The following COQ7 variants were observed in gnomAD, a reference collection of about 807,000 sequenced individuals.
COQ7 encodes NADPH-dependent 3-demethoxyubiquinone 3-hydroxylase, mitochondrial.
A neutral mutation model predicts 25.0 loss-of-function variants in COQ7; 21 were observed. The observed-to-expected ratio is 0.84, with a 90% CI of 0.60 to 1.21. The LOEUF (loss-of-function observed/expected upper bound fraction) is 1.21. Ranked by LOEUF, COQ7 falls within the 50% of genes most tolerant of loss-of-function variation. The probability of loss-of-function intolerance (pLI) is 0.00; values close to 1 mark genes in which losing one functional copy is unlikely to be tolerated. For missense variants in COQ7, 311 were observed against 296.2 expected (o/e 1.05, Z -0.37); for synonymous variants, 125 against 112.4 (o/e 1.11, Z -0.71).
In COQ7 at chr16:19,067,888, C is replaced by A. The variant is rs956770826; in HGVS notation, c.73+151C>A. ...GACTGCGTGACTTCGGCCTCCGGGG[C>A]GCTGGCGGGCGGGGCGGGGTCTGTA... On this transcript the variant is annotated intron_variant, in intron 1 of 5. Coordinates refer to ENST00000321998, the MANE Select transcript of COQ7 (RefSeq NM_016138.5). 1.0e-5 allele frequency: 15 copies of A among 1,491,328 alleles called. No homozygotes were observed. In the African/African-American group the frequency reaches 2.0e-4, roughly 20 times the overall value. 92.4% of individuals were successfully genotyped at this position (1,491,328 alleles called of 1,614,324 possible).
intron 2 of COQ7, 117 bp from the exon 3 acceptor site, chr16:19,073,804 G>A (rs1962688283): frequency 2.9e-6 from 2 of 680,528 alleles, no homozygotes; most frequent in Admixed American, 5.0e-5. Flanking sequence ...GAGGGGAATG[G>A]GGGAGACAGC....
At position 19,077,590 on chromosome 16, in the gene COQ7, C is replaced by CTTTTTTTTTTTTT. The variant is rs60523088; in HGVS notation, c.576+218_576+230dup. ...TATGCCTTCTCCTTTTCCCCAGAAG[C>CTTTTTTTTTTTTT]TTTTTTTTTTTTTTCCCAGACACAG... On this transcript the variant is annotated intron_variant, in intron 5 of 5. Transcript: ENST00000321998. Among the ~76,000 whole-genome samples, 48 of 74,398 alleles carry CTTTTTTTTTTTTT rather than the reference C, an allele frequency of 6.5e-4. 15 individuals are homozygous for CTTTTTTTTTTTTT. Among genetic ancestry groups the CTTTTTTTTTTTTT allele is most frequent in the Admixed American group, 2.0e-3 (9 of 4,546 alleles). 48.8% of individuals were successfully genotyped at this position (74,398 alleles called of 152,430 possible).
At chr16:19,071,731 G>A in intron 1 of COQ7, 197 bp from the exon 2 acceptor site, 1 of 607,312 alleles carries the variant, frequency 1.6e-6, no homozygotes, top group Admixed American at 3.0e-5. Flanking sequence ...TACACTTAAA[G>A]TGAAACCAGA....
chr16:19,073,493 GAAAC>G (rs996443793), intron 2 of COQ7, among the ~76,000 whole-genome samples: 7 of 152,054 alleles, frequency 4.6e-5, no homozygotes, highest in African/African-American at 1.2e-4. Context: ...ACCCTGTCTG[GAAAC>G]AAACAAACCA....
chr16:19,082,799 A>T (rs1272711945), downstream of COQ7, among the ~76,000 whole-genome samples: 1 of 112,328 alleles, frequency 8.9e-6, no homozygotes, highest in Non-Finnish European at 1.8e-5. Flanking sequence ...GGCAAATTTT[A>T]TGTATATTTT....
Position 19,073,965 on chromosome 16 carries a change from G to C in COQ7, c.297G>C (p.Glu99Asp), listed in dbSNP as rs1962697917. The C allele has an allele frequency of 1.2e-6, 2 of 1,613,898 alleles. No homozygotes were observed. Among genetic ancestry groups the C allele is most frequent in the South Asian group, 1.1e-5 (1 of 91,064 alleles). The change falls in exon 3 of 6, where the codon GAG (glutamate) becomes GAC (aspartate). Residue 99 changes from glutamate to aspartate, a missense_variant. Coordinates refer to ENST00000321998, the MANE Select transcript of COQ7 (RefSeq NM_016138.5). The stretch of plus-strand genomic sequence containing the variant: ...AGGACCATTTGAAAAAGTTCAATGA[G>C]TTGATGGTTACGTTCAGGGTCCGGC... Reference protein sequence around the residue: ...QEKDHLKKFNELMVTFRVRPT... With the variant: ...QEKDHLKKFNDLMVTFRVRPT...
At chr16:19,078,031 C>T (rs764441167) in intron 5 of COQ7, 50 bp from the exon 6 acceptor site, 30 of 1,465,702 alleles carry the variant, frequency 2.0e-5, no homozygotes, top group Admixed American at 8.3e-5. Flanking sequence ...ATCTTACAAC[C>T]GAAAATGAGC....
chr16:19,071,440 G>A (rs1199873773), intron 1 of COQ7, among the ~76,000 whole-genome samples: 3 of 152,236 alleles, frequency 2.0e-5, no homozygotes, highest in African/African-American at 4.8e-5. Flanking sequence ...CCGGACAGGT[G>A]TGGATTTTAA....
chr16:19,069,872 C>T (rs1962465326), intron 1 of COQ7, among the ~76,000 whole-genome samples: 1 of 152,060 alleles, frequency 6.6e-6, no homozygotes, highest in South Asian at 2.1e-4. Context: ...CAGCCTTTGC[C>T]TACTGGGTTC....
rs373106255 is a variant in COQ7 at position 19,073,993 on chromosome 16, A to G, written c.325A>G (p.Thr109Ala). Residue 109 changes from threonine (T) to alanine (A), a missense_variant, in exon 3 of 6, where the codon ACA becomes GCA. Transcript: ENST00000321998. ...ELMVTFRVRPTVLMPLWNVLG... is the reference protein window; with the variant it reads ...ELMVTFRVRPAVLMPLWNVLG... ...GATGGTTACGTTCAGGGTCCGGCCA[A>G]CAGTTCTGATGCCCTTGTGGAACGT... 3.1e-6 allele frequency: 5 copies of G among 1,613,598 alleles called. No individual in the cohort carries two copies. The highest frequency in any genetic ancestry group is 2.7e-5 in the African/African-American group (2 of 74,816).
chr16:19,069,878 G>A (rs1361941989), intron 1 of COQ7, among the ~76,000 whole-genome samples: 1 of 152,036 alleles, frequency 6.6e-6, no homozygotes, highest in East Asian at 1.9e-4. Context: ...TTGCCTACTG[G>A]GTTCAAGTGA....
intron 3 of COQ7, among the ~76,000 whole-genome samples, chr16:19,075,440 T>TTCG (rs1962782694): frequency 3.9e-5 from 1 of 25,642 alleles, no homozygotes; most frequent in Non-Finnish European, 2.8e-4. Flanking sequence ...CCTCAGGTGA[T>TTCG]CCGCCTCGGC....
intron 1 of COQ7, among the ~76,000 whole-genome samples, chr16:19,071,266 G>A (rs766333426): frequency 2.6e-5 from 4 of 152,228 alleles, no homozygotes; most frequent in Non-Finnish European, 5.9e-5. Flanking sequence ...CTCCCGAGGA[G>A]GTGGGATTAA....
chr16:19,073,093 G>A (rs1443918337), intron 2 of COQ7, among the ~76,000 whole-genome samples: 2 of 152,060 alleles, frequency 1.3e-5, no homozygotes, highest in Admixed American at 6.6e-5. Context: ...ATCACCTGAG[G>A]TTAGGAGTTT....
intron 1 of COQ7, among the ~76,000 whole-genome samples, chr16:19,069,409 C>CTTTTTTTTTT (rs67523316): frequency 8.4e-6 from 1 of 119,352 alleles, no homozygotes; most frequent in Non-Finnish European, 1.7e-5. Flanking sequence ...TGATTATTGC[C>CTTTTTTTTTT]TTTTTTTTTT....
chr16:19,072,936 C>T lies in COQ7; in HGVS notation c.252+830C>T, dbSNP rs534032842. 6.0e-4 allele frequency among the ~76,000 whole-genome samples: 91 copies of T among 152,112 alleles called. 1 individual carries two copies. Among genetic ancestry groups the T allele is most frequent in the African/African-American group, 2.1e-3 (87 of 41,482 alleles). On this transcript the variant is annotated intron_variant, in intron 2 of 5. Transcript: ENST00000321998. ...CTGTAATCCCAGCACTTTGGGAGGC[C>T]GAGGCCAATGGATCGCTTGAGCCCA... is the stretch of plus-strand genomic sequence containing the variant.
chr16:19,069,809 A>G (rs539353608), intron 1 of COQ7, among the ~76,000 whole-genome samples: 2 of 151,830 alleles, frequency 1.3e-5, no homozygotes, highest in African/African-American at 4.8e-5. Context: ...TTTGAGACAG[A>G]GTCTCACTCT....
Position 19,078,374 on chromosome 16 carries a change from A to G in COQ7, c.*216A>G, listed in dbSNP as rs958339205. The G allele has an allele frequency of 2.6e-6, 1 of 377,938 alleles. No homozygotes were observed. The highest frequency in any genetic ancestry group is 2.1e-5 in the African/African-American group (1 of 47,806). 23.4% of individuals were successfully genotyped at this position (377,938 alleles called of 1,614,324 possible). A position where few individuals can be genotyped will look rare whatever the true frequency, so the allele number is the denominator to read the frequency against. On this transcript the variant is annotated 3_prime_UTR_variant, in exon 6 of 6. Coordinates refer to ENST00000321998, the MANE Select transcript of COQ7 (RefSeq NM_016138.5). The stretch of plus-strand genomic sequence containing the variant: ...GACCAACAGGTCACCAGCCTTGTTC[A>G]AGTTACAGCAAACGAAGCTGGGCCT...
At chr16:19,077,521 G>A in intron 5 of COQ7, 147 bp downstream of exon 5, 1 of 458,196 alleles carries the variant, frequency 2.2e-6, no homozygotes, top group South Asian at 3.0e-5. Context: ...CAAAAAGCAA[G>A]CAAACGCATT....
Sources: gnomAD v4.1 joint callset for allele counts (sites outside exome capture counted in the v4.1 genomes callset) on GRCh38, gnomAD v4.1.1 for gene constraint, MANE v1.5 for transcripts, NCBI Gene and HGNC (gene_info 2026-07-23, HGNC 2026-07-21) for gene names.